Variants in KCNK1 observed in about 807,000 individuals in gnomAD.
The protein encoded by KCNK1 is potassium two pore domain channel subfamily K member 1, also known as potassium channel subfamily K member 1.
In KCNK1, 10 loss-of-function variants were observed where a neutral mutation model predicts 22.2. The ratio of observed to expected loss-of-function variants is 0.45; its 90% CI spans 0.28 to 0.76. KCNK1 has a LOEUF of 0.76. Ranked by LOEUF, KCNK1 falls within the 30% of genes least tolerant of loss-of-function variation. The pLI, the probability that KCNK1 is intolerant of heterozygous loss-of-function variation, is 0.14. For missense variants in KCNK1, 378 were observed against 421.0 expected (o/e 0.90, Z 0.89); for synonymous variants, 200 against 186.4 (o/e 1.07, Z -0.60).
intron 1 of KCNK1, 49 bp downstream of exon 1, chr1:233,614,575 A>G: frequency 7.0e-7 from 1 of 1,420,576 alleles, no homozygotes; most frequent in Non-Finnish European, 9.5e-7. Flanking sequence ...CTCGCCCACA[A>G]CCCACACACC....
intron 1 of KCNK1, among the ~76,000 whole-genome samples, chr1:233,618,278 G>A (rs1657520125): frequency 6.6e-6 from 1 of 152,042 alleles, no homozygotes; most frequent in Admixed American, 6.5e-5. Flanking sequence ...ATGAGAATGA[G>A]TGAAACACTG....
chr1:233,662,675 C>T (rs2102908783), intron 1 of KCNK1, among the ~76,000 whole-genome samples: 1 of 152,298 alleles, frequency 6.6e-6, no homozygotes, highest in Non-Finnish European at 1.5e-5. Flanking sequence ...TACAACCACC[C>T]ATTATACGTA....
intron 1 of KCNK1, among the ~76,000 whole-genome samples, chr1:233,659,055 C>G (rs1319133889): frequency 6.6e-6 from 1 of 151,880 alleles, no homozygotes; most frequent in Non-Finnish European, 1.5e-5. Context: ...CACTTGTTTA[C>G]TTTATAAACT....
chr1:233,641,131 C>G (rs116122234), intron 1 of KCNK1, among the ~76,000 whole-genome samples: 3,475 of 152,280 alleles, frequency 0.023, 129 homozygotes, highest in African/African-American at 0.079. Flanking sequence ...GAAGCACAAA[C>G]AAGCCGGAAG....
intron 1 of KCNK1, among the ~76,000 whole-genome samples, chr1:233,644,326 G>A (rs1375971066): frequency 1.3e-5 from 2 of 152,068 alleles, no homozygotes; most frequent in South Asian, 2.1e-4. Context: ...TGGGGGACAC[G>A]GTCAGACCAT....
intron 1 of KCNK1, among the ~76,000 whole-genome samples, chr1:233,650,810 A>C (rs1658188935): frequency 1.3e-5 from 2 of 151,788 alleles, no homozygotes; most frequent in African/African-American, 4.8e-5. Flanking sequence ...AAAAAAAAAA[A>C]AAACTGTTGA....
At chr1:233,626,842 G>A (rs1170706675) in intron 1 of KCNK1, among the ~76,000 whole-genome samples, 1 of 151,760 alleles carries the variant, frequency 6.6e-6, no homozygotes, top group Non-Finnish European at 1.5e-5. Flanking sequence ...ATTAACAGTA[G>A]GATATTTAGT....
At chr1:233,642,421 G>A (rs1442820018) in intron 1 of KCNK1, among the ~76,000 whole-genome samples, 4 of 152,218 alleles carry the variant, frequency 2.6e-5, no homozygotes, top group Non-Finnish European at 5.9e-5. Flanking sequence ...CAGGGGACAA[G>A]GGCAGGTGAG....
intron 1 of KCNK1, among the ~76,000 whole-genome samples, chr1:233,635,771 T>C (rs56317222): frequency 6.6e-6 from 1 of 152,148 alleles, no homozygotes; most frequent in African/African-American, 2.4e-5. Flanking sequence ...ATTCCTGCTA[T>C]GTAATATCTA....
chr1:233,627,176 A>T (rs2102885797), intron 1 of KCNK1, among the ~76,000 whole-genome samples: 1 of 152,360 alleles, frequency 6.6e-6, no homozygotes, highest in South Asian at 2.1e-4. Flanking sequence ...ACTGTTTGAA[A>T]TGATCCCATG....
intron 1 of KCNK1, among the ~76,000 whole-genome samples, chr1:233,665,386 G>C (rs2102910445): frequency 6.6e-6 from 1 of 152,348 alleles, no homozygotes; most frequent in South Asian, 2.1e-4. Context: ...ATTCCAAGGA[G>C]GGAATTCTCC....
intron 1 of KCNK1, among the ~76,000 whole-genome samples, chr1:233,623,687 C>T (rs974802217): frequency 1.3e-5 from 2 of 152,204 alleles, no homozygotes; most frequent in Non-Finnish European, 1.5e-5. Flanking sequence ...CTCCCAGGTT[C>T]GAGTGATTCT....
Position 233,614,503 on chromosome 1 carries a change from C to G in KCNK1, c.332C>G (p.Ala111Gly). The change falls in exon 1 of 3, where the codon GCC becomes GGC. Residue 111 changes from alanine to glycine, a missense_variant. Ala to Gly is a moderately conservative substitution (Grantham distance 60). Transcript: ENST00000366621. ...GACTTCACCTCCGCGCTCTTCTTCG[C>G]CAGCACCGTGCTCTCCACCACAGGT... Reference protein sequence around the residue: ...NWDFTSALFFASTVLSTTGYG... With the variant: ...NWDFTSALFFGSTVLSTTGYG... 6.2e-7 allele frequency: 1 copy of G among 1,605,286 alleles called. No individual in the cohort carries two copies. Among genetic ancestry groups the G allele is most frequent in the Non-Finnish European group, 8.5e-7 (1 of 1,175,882 alleles).
chr1:233,632,917 C>T (rs901147800), intron 1 of KCNK1, among the ~76,000 whole-genome samples: 4 of 151,984 alleles, frequency 2.6e-5, no homozygotes, highest in African/African-American at 9.7e-5. Flanking sequence ...TAAAGACATT[C>T]GGAAGGAGAG....
At chr1:233,636,760 C>A (rs61824274) in intron 1 of KCNK1, among the ~76,000 whole-genome samples, 115,991 of 151,842 alleles carry the variant, frequency 0.76, 44,574 homozygotes, top group African/African-American at 0.84. Flanking sequence ...GGTGATCCCT[C>A]TAGGACAAGG....
rs546893252 is a variant in KCNK1, at chr1:233,641,589, G to A, written c.356-25006G>A. ...GGGGTGTTATATCCCCACTTAACACGGCAGGGTCCTGTTGGCACTTCCTGG... is the reference window on the plus strand; with the variant it reads ...GGGGTGTTATATCCCCACTTAACACAGCAGGGTCCTGTTGGCACTTCCTGG... On this transcript the variant is annotated intron_variant, in intron 1 of 2. Coordinates refer to ENST00000366621, the MANE Select transcript of KCNK1 (RefSeq NM_002245.4). 1.1e-4 allele frequency among the ~76,000 whole-genome samples: 17 copies of A among 152,278 alleles called. No homozygotes were observed. In the East Asian group the frequency reaches 3.1e-3, roughly 28 times the overall value.
At chr1:233,619,214 G>A (rs1657535984) in intron 1 of KCNK1, among the ~76,000 whole-genome samples, 1 of 151,812 alleles carries the variant, frequency 6.6e-6, no homozygotes, top group African/African-American at 2.4e-5. Context: ...TGGAGAGCGT[G>A]GTCTTGCTTT....
At chr1:233,646,415 T>C (rs1368322968) in intron 1 of KCNK1, among the ~76,000 whole-genome samples, 1 of 152,154 alleles carries the variant, frequency 6.6e-6, no homozygotes, top group Non-Finnish European at 1.5e-5. Flanking sequence ...GGCATGGATC[T>C]AGACGGAATC....
intron 1 of KCNK1, among the ~76,000 whole-genome samples, chr1:233,664,418 A>G (rs975683926): frequency 1.3e-5 from 2 of 152,076 alleles, no homozygotes; most frequent in Non-Finnish European, 2.9e-5. Flanking sequence ...CAACTTGCCC[A>G]TTTCCCTCTT....
Sources: gnomAD v4.1 joint callset for allele counts (sites outside exome capture counted in the v4.1 genomes callset) on GRCh38, gnomAD v4.1.1 for gene constraint, MANE v1.5 for transcripts, NCBI Gene and HGNC (gene_info 2026-07-23, HGNC 2026-07-21) for gene names.